UNC13B: variants seen among roughly 807,000 people sequenced by gnomAD.
UNC13B encodes protein unc-13 homolog B.
UNC13B carries 144 observed loss-of-function variants against 211.0 expected under a neutral mutation model. The observed-to-expected ratio is 0.68, with a 90% CI of 0.60 to 0.78. The LOEUF is 0.78. Among genes scored for constraint, UNC13B ranks in the 30% least tolerant of loss-of-function variants. The pLI, the probability that UNC13B is intolerant of heterozygous loss-of-function variation, is 0.00. For synonymous variants in UNC13B, 709 were observed against 725.8 expected (o/e 0.98, Z 0.37); for missense variants, 1,777 against 2,002.0 (o/e 0.89, Z 2.14).
intron 17 of UNC13B, 145 bp from the exon 18 acceptor site, chr9:35,380,325 T>C: frequency 1.1e-6 from 1 of 884,220 alleles, no homozygotes; most frequent in East Asian, 2.6e-5. Flanking sequence ...CCAACTTTCT[T>C]GGAACTTTTG....
intron 6 of UNC13B, among the ~76,000 whole-genome samples, chr9:35,245,912 T>C (rs1587455909): frequency 6.6e-6 from 1 of 152,212 alleles, no homozygotes; most frequent in African/African-American, 2.4e-5. Flanking sequence ...TCTAGATCCC[T>C]GAGGAATCGC....
At chr9:35,238,074 ATT>A (rs1825612334) in intron 5 of UNC13B, among the ~76,000 whole-genome samples, 1 of 152,198 alleles carries the variant, frequency 6.6e-6, no homozygotes, top group Non-Finnish European at 1.5e-5. Context: ...GTGACTATTT[ATT>A]ATAATGACTT....
intron 6 of UNC13B, among the ~76,000 whole-genome samples, chr9:35,244,394 T>A (rs563499725): frequency 1.3e-5 from 2 of 152,294 alleles, no homozygotes; most frequent in East Asian, 3.9e-4. Context: ...TGTATTTGTT[T>A]CCTACAGCTG....
At chr9:35,241,314 C>CGGGTTAA (rs1825795079) in intron 5 of UNC13B, among the ~76,000 whole-genome samples, 3 of 152,094 alleles carry the variant, frequency 2.0e-5, no homozygotes, top group Non-Finnish European at 2.9e-5. Context: ...TAACCACTTC[C>CGGGTTAA]TGTTGGGTAT....
chr9:35,173,492 C>T (rs961467454), intron 1 of UNC13B, among the ~76,000 whole-genome samples: 3 of 150,970 alleles, frequency 2.0e-5, no homozygotes, highest in Non-Finnish European at 4.4e-5. Flanking sequence ...GGTGCTATCT[C>T]GGCTCACTGA....
intron 6 of UNC13B, among the ~76,000 whole-genome samples, chr9:35,248,287 G>C (rs1826225862): frequency 6.6e-6 from 1 of 151,860 alleles, no homozygotes. Context: ...CAATTTTGTT[G>C]ATTTTTTCAA....
chr9:35,328,558 G>T (rs1396235684), intron 11 of UNC13B, among the ~76,000 whole-genome samples: 1 of 151,950 alleles, frequency 6.6e-6, no homozygotes, highest in Non-Finnish European at 1.5e-5. Context: ...ACAAAGGAAA[G>T]GAAAAAACCA....
rs370933314 is a variant in UNC13B at position 35,199,782 on chromosome 9, C to T, written c.23-28233C>T. On this transcript the variant is annotated intron_variant, in intron 1 of 39. Coordinates refer to ENST00000635942, the MANE Select transcript of UNC13B (RefSeq NM_001371189.2). ...TAGATTGCAAAAATTTTCTCCCATT[C>T]TGTAGGTTGCCTGTTCACTCTGATG... Among the ~76,000 whole-genome samples the T allele has an allele frequency of 3.9e-4, 59 of 152,202 alleles. No homozygotes were observed. In the Middle Eastern group the frequency reaches 0.014, roughly 35 times the overall value.
chr9:35,244,953 G>A (rs1826002878), intron 6 of UNC13B, among the ~76,000 whole-genome samples: 2 of 152,126 alleles, frequency 1.3e-5, no homozygotes, highest in East Asian at 1.9e-4. Flanking sequence ...TTATTAAGCT[G>A]TATAACTCTT....
chr9:35,384,533 G>T lies in UNC13B; in HGVS notation c.10875+219G>T, dbSNP rs868013759. The T allele has an allele frequency of 3.0e-6, 3 of 985,464 alleles. No homozygotes were observed. The South Asian group carries it at 1.4e-4, about 46-fold the overall frequency. The allele number at this position is 985,464 out of a possible 1,614,324, so 61.0% of individuals were successfully genotyped here. ...CAGGTATGGTTAGTTTTTATAGACAGTTGTCTTTCCAACCTCATTCTTAAC... is the reference window on the plus strand; with the variant it reads ...CAGGTATGGTTAGTTTTTATAGACATTTGTCTTTCCAACCTCATTCTTAAC... On this transcript the variant is annotated intron_variant, in intron 22 of 39. Coordinates refer to ENST00000635942, the MANE Select transcript of UNC13B (RefSeq NM_001371189.2).
chr9:35,345,054 G>A (rs1040087709), intron 11 of UNC13B, among the ~76,000 whole-genome samples: 14 of 152,180 alleles, frequency 9.2e-5, no homozygotes, highest in African/African-American at 3.4e-4. Flanking sequence ...TTCTATGAAG[G>A]AAATTCTAGA....
chr9:35,292,561 C>T (rs892482951), intron 7 of UNC13B, among the ~76,000 whole-genome samples: 1 of 152,218 alleles, frequency 6.6e-6, no homozygotes, highest in Non-Finnish European at 1.5e-5. Flanking sequence ...GTTACCCTAT[C>T]AGGAAGTGAT....
In UNC13B at chr9:35,381,639, G is replaced by A; in HGVS notation, c.10575G>A (p.Val3525=). 1.2e-6 allele frequency: 2 copies of A among 1,614,230 alleles called. No homozygotes were observed. Among genetic ancestry groups the A allele is most frequent in the Non-Finnish European group, 1.7e-6 (2 of 1,180,036 alleles). The part of the protein sequence containing the change: ...PEARGDDAWK[V]YFDETAQEIV... Reference sequence around the variant, plus strand: ...CTCGAGGAGACGATGCCTGGAAGGTGTACTTTGATGAGACAGCCCAAGAAA... The same window carrying A: ...CTCGAGGAGACGATGCCTGGAAGGTATACTTTGATGAGACAGCCCAAGAAA... The change falls in exon 20 of 40, where the codon GTG becomes GTA. Residue 3525 remains valine, a synonymous_variant. Transcript: ENST00000635942.
At chr9:35,393,197 T>A (rs1285174520) in intron 26 of UNC13B, among the ~76,000 whole-genome samples, 1 of 152,190 alleles carries the variant, frequency 6.6e-6, no homozygotes, top group Non-Finnish European at 1.5e-5. Context: ...CACAAAGTTA[T>A]AATGCCACAA....
In UNC13B at chr9:35,259,005, G is replaced by T; in HGVS notation, c.481G>T (p.Glu161Ter). ...TTTCTGCTTCTAGTATTCTAGTCAAGAAGAAAGCCAGAGGAAGCCATTGCC... is the reference window on the plus strand; with the variant it reads ...TTTCTGCTTCTAGTATTCTAGTCAATAAGAAAGCCAGAGGAAGCCATTGCC... ...LGADNEYSSQ[E>*]ESQRKPLPTA... Residue 161 changes from glutamate to a stop codon, truncating the protein, a stop_gained, in exon 7 of 40, where the codon GAA (glutamate) becomes TAA (stop). Transcript: ENST00000635942. LOFTEE classifies it high-confidence loss of function. 6.2e-7 allele frequency: 1 copy of T among 1,613,704 alleles called. No individual in the cohort carries two copies.
chr9:35,317,176 T>C lies in UNC13B; in HGVS notation c.9414+3187T>C, dbSNP rs1830501653. Among the ~76,000 whole-genome samples the C allele has an allele frequency of 3.3e-5, 5 of 152,282 alleles. No homozygotes were observed. The South Asian group carries it at 1.0e-3, about 32-fold the overall frequency. ...TGCAAACACTGGGAGTCTGTTGATATAGACTGACGTGAGGCAAACAAATGT... is the reference window on the plus strand; with the variant it reads ...TGCAAACACTGGGAGTCTGTTGATACAGACTGACGTGAGGCAAACAAATGT... On this transcript the variant is annotated intron_variant, in intron 11 of 39. Coordinates refer to ENST00000635942, the MANE Select transcript of UNC13B (RefSeq NM_001371189.2).
At chr9:35,182,295 T>C (rs568008571) in intron 1 of UNC13B, among the ~76,000 whole-genome samples, 2 of 152,110 alleles carry the variant, frequency 1.3e-5, no homozygotes, top group Admixed American at 6.5e-5. Context: ...TTCTTTCTCA[T>C]TGAGCTTCCT....
chr9:35,390,334 C>T (rs1306253053), intron 25 of UNC13B, among the ~76,000 whole-genome samples: 1 of 152,220 alleles, frequency 6.6e-6, no homozygotes, highest in Non-Finnish European at 1.5e-5. Flanking sequence ...GCTTATTTAG[C>T]CTGCGCCTGC....
intron 1 of UNC13B, among the ~76,000 whole-genome samples, chr9:35,198,390 A>T (rs556080091): frequency 6.6e-6 from 1 of 152,174 alleles, no homozygotes; most frequent in African/African-American, 2.4e-5. Context: ...TTCTGCCATG[A>T]TCATACGTTT....
Sources: gnomAD v4.1 joint callset for allele counts (sites outside exome capture counted in the v4.1 genomes callset) on GRCh38, gnomAD v4.1.1 for gene constraint, MANE v1.5 for transcripts, NCBI Gene and HGNC (gene_info 2026-07-23, HGNC 2026-07-21) for gene names.